FMNL2: variants seen among roughly 807,000 people sequenced by gnomAD.
FMNL2 encodes the protein formin-like protein 2.
In FMNL2, 51 loss-of-function variants were observed where a neutral mutation model predicts 130.2. The ratio of observed to expected loss-of-function variants is 0.39; its 90% CI spans 0.31 to 0.49. The LOEUF (loss-of-function observed/expected upper bound fraction) is 0.49. FMNL2 is among the 20% of genes least tolerant of loss of function. The pLI is 0.85. For synonymous variants in FMNL2, 465 were observed against 467.1 expected (o/e 1.00, Z 0.06); for missense variants, 977 against 1,316.2 (o/e 0.74, Z 3.99).
At chr2:152,488,549 A>G (rs1690966123) in intron 1 of FMNL2, among the ~76,000 whole-genome samples, 3 of 152,232 alleles carry the variant, frequency 2.0e-5, no homozygotes, top group Admixed American at 2.0e-4. Flanking sequence ...CGTATAATTT[A>G]GTTACTGTGT....
chr2:152,499,500 A>G (rs1231991237), intron 1 of FMNL2, among the ~76,000 whole-genome samples: 1 of 152,016 alleles, frequency 6.6e-6, no homozygotes, highest in Non-Finnish European at 1.5e-5. Context: ...TAGTTATTCA[A>G]GGCCACCTAA....
intron 1 of FMNL2, among the ~76,000 whole-genome samples, chr2:152,359,979 A>G (rs1460000885): frequency 2.0e-5 from 3 of 152,216 alleles, no homozygotes; most frequent in Non-Finnish European, 1.5e-5. Context: ...TGTCGAAGAT[A>G]GTGAGAGTGG....
intron 3 of FMNL2, among the ~76,000 whole-genome samples, chr2:152,546,852 T>G (rs1694671904): frequency 6.6e-6 from 1 of 151,962 alleles, no homozygotes; most frequent in Non-Finnish European, 1.5e-5. Context: ...TTCTACTGAC[T>G]CTCCTCTACT....
intron 1 of FMNL2, among the ~76,000 whole-genome samples, chr2:152,408,301 C>T (rs1040290667): frequency 9.2e-5 from 14 of 152,004 alleles, no homozygotes; most frequent in Admixed American, 8.5e-4. Flanking sequence ...TATCGTAGCC[C>T]TAATGTTCTC....
chr2:152,379,323 C>T (rs9677373), intron 1 of FMNL2, among the ~76,000 whole-genome samples: 86,398 of 152,092 alleles, frequency 0.57, 24,943 homozygotes, highest in South Asian at 0.69. Flanking sequence ...GCTTCTACTT[C>T]GTTAGTGACC....
At chr2:152,461,809 C>T (rs1207627616) in intron 1 of FMNL2, among the ~76,000 whole-genome samples, 1 of 151,908 alleles carries the variant, frequency 6.6e-6, no homozygotes, top group Middle Eastern at 3.2e-3. Context: ...TAGAGCTTCA[C>T]TGTCTAATAG....
At chr2:152,590,007 A>ATGTATG in intron 9 of FMNL2, among the ~76,000 whole-genome samples, 1 of 75,322 alleles carries the variant, frequency 1.3e-5, no homozygotes, top group Admixed American at 1.3e-4. Flanking sequence ...GTATATATAT[A>ATGTATG]TACATATACA....
intron 1 of FMNL2, among the ~76,000 whole-genome samples, chr2:152,478,239 TATATATATATA>T (rs1381233304): frequency 5.4e-5 from 2 of 36,870 alleles, no homozygotes; most frequent in African/African-American, 7.6e-5. Context: ...CATATATATA[TATATATATATA>T]TTTTTTTTTT....
At chr2:152,342,090 G>A (rs944288073) in intron 1 of FMNL2, among the ~76,000 whole-genome samples, 8 of 152,302 alleles carry the variant, frequency 5.3e-5, no homozygotes, top group African/African-American at 1.4e-4. Flanking sequence ...AAAAAGATAC[G>A]TATGGGCTGA....
intron 1 of FMNL2, among the ~76,000 whole-genome samples, chr2:152,461,556 T>G (rs1418057264): frequency 1.3e-5 from 2 of 152,168 alleles, no homozygotes. Context: ...TCAAACATGT[T>G]TTAAAATCTG....
At chr2:152,622,545 A>G (rs1204232117) in intron 15 of FMNL2, 5 of 456,592 alleles carry the variant, frequency 1.1e-5, no homozygotes, top group Admixed American at 4.7e-5. Flanking sequence ...AGATGGGCCA[A>G]TCAAGCTTTT....
intron 11 of FMNL2, among the ~76,000 whole-genome samples, chr2:152,612,463 C>T (rs762744512): frequency 1.3e-5 from 2 of 152,148 alleles, no homozygotes; most frequent in African/African-American, 2.4e-5. Context: ...TAGGCTGCAA[C>T]AAGCTGTGAT....
chr2:152,343,936 T>C (rs1298602826), intron 1 of FMNL2, among the ~76,000 whole-genome samples: 1 of 152,120 alleles, frequency 6.6e-6, no homozygotes, highest in Non-Finnish European at 1.5e-5. Context: ...GAGGATCACT[T>C]GAGGCCAGGA....
chr2:152,589,938 T>TAC (rs1697294879), intron 9 of FMNL2, among the ~76,000 whole-genome samples: 3 of 70,384 alleles, frequency 4.3e-5, no homozygotes, highest in East Asian at 4.3e-4. Context: ...CCTGGCTTTA[T>TAC]ACATATATAT....
intron 1 of FMNL2, among the ~76,000 whole-genome samples, chr2:152,470,443 A>G (rs1689795184): frequency 6.6e-6 from 1 of 152,246 alleles, no homozygotes; most frequent in African/African-American, 2.4e-5. Flanking sequence ...CGATTTGTCA[A>G]CCGTGGCTGA....
At chr2:152,490,597 G>GTT (rs1187528792) in intron 1 of FMNL2, among the ~76,000 whole-genome samples, 3 of 150,888 alleles carry the variant, frequency 2.0e-5, no homozygotes, top group Non-Finnish European at 4.4e-5. Context: ...GTGTGTGTGT[G>GTT]TGTGTGTGTG....
At chr2:152,456,763 G>A (rs1408044224) in intron 1 of FMNL2, among the ~76,000 whole-genome samples, 1 of 151,966 alleles carries the variant, frequency 6.6e-6, no homozygotes, top group African/African-American at 2.4e-5. Context: ...CCAACATGGT[G>A]AAACCCTGTC....
At chr2:152,641,936 G>T (rs947314924) in intron 25 of FMNL2, among the ~76,000 whole-genome samples, 4 of 125,226 alleles carry the variant, frequency 3.2e-5, no homozygotes, top group Admixed American at 2.8e-4. Flanking sequence ...CTAGACTCTT[G>T]ATGTCTCATT....
At chr2:152,582,671 A>G (rs527691275) in intron 9 of FMNL2, among the ~76,000 whole-genome samples, 17 of 152,316 alleles carry the variant, frequency 1.1e-4, no homozygotes, top group African/African-American at 4.1e-4. Flanking sequence ...TCATGTATAA[A>G]TATATAAATT....
Sources: allele counts gnomAD v4.1 joint callset (sites outside exome capture counted in the v4.1 genomes callset), GRCh38; gene constraint gnomAD v4.1.1; transcripts MANE v1.5; gene names NCBI Gene and HGNC (gene_info 2026-07-23, HGNC 2026-07-21).